The following KHDRBS1 variants were observed in gnomAD, a reference collection of about 807,000 sequenced individuals.
KHDRBS1 encodes KH RNA binding domain containing, signal transduction associated 1.
In KHDRBS1, 7 loss-of-function variants were observed where a neutral mutation model predicts 48.4. That is an observed-to-expected ratio of 0.14 (90% CI 0.08 to 0.27). KHDRBS1 has a LOEUF of 0.27. Ranked by LOEUF, KHDRBS1 falls within the 10% of genes least tolerant of loss-of-function variation. KHDRBS1 has a pLI of 1.00. For synonymous variants in KHDRBS1, 241 were observed against 235.8 expected, an observed-to-expected ratio of 1.02 and a Z score of -0.20; for missense variants, 458 against 601.2, an observed-to-expected ratio of 0.76 and a Z score of 2.49.
intron 3 of KHDRBS1, among the ~76,000 whole-genome samples, chr1:32,032,018 G>A (rs1639090162): frequency 6.6e-6 from 1 of 152,058 alleles, no homozygotes; most frequent in Non-Finnish European, 1.5e-5. Context: ...TTTGTAACCT[G>A]GAAAAGTGAG....
At chr1:32,051,961 C>T (rs1639427732) in intron 10 of KHDRBS1, among the ~76,000 whole-genome samples, 1 of 152,208 alleles carries the variant, frequency 6.6e-6, no homozygotes, top group South Asian at 2.1e-4. Context: ...GGCAGTACTA[C>T]TAGTAAGTAG....
chr1:32,036,104 CTG>C (rs1639172025), intron 4 of KHDRBS1, among the ~76,000 whole-genome samples: 1 of 146,774 alleles, frequency 6.8e-6, no homozygotes, highest in African/African-American at 2.5e-5. Context: ...CTCCTTGAGT[CTG>C]TTTTCTTAAC....
Position 32,039,504 on chromosome 1 carries a change from T to G in KHDRBS1, c.1176-11T>G. The G allele has an allele frequency of 7.5e-7, 1 of 1,342,268 alleles. No homozygotes were observed. The highest frequency in any genetic ancestry group is 1.1e-6 in the Non-Finnish European group (1 of 932,084). 83.1% of individuals were successfully genotyped at this position (1,342,268 alleles called of 1,614,324 possible). ...TCTGTAGCTTCCTAACACTCTGCCT[T>G]TGGCTTTCAGGGACTCAGAATATTA... On this transcript the variant is annotated splice_polypyrimidine_tract_variant and intron_variant, in intron 7 of 8. Coordinates refer to ENST00000327300, the MANE Select transcript of KHDRBS1 (RefSeq NM_006559.3).
Position 32,031,045 on chromosome 1 carries a change from T to TC in KHDRBS1, c.508-478dup, listed in dbSNP as rs535773766. ...AGGCAGATTGCTTGAGCCCAGGAGT[T>TC]CAAGACCAGCCTGAGCAACATAGCG... On this transcript the variant is annotated intron_variant, in intron 2 of 8. Coordinates refer to ENST00000327300, the MANE Select transcript of KHDRBS1 (RefSeq NM_006559.3). Among the ~76,000 whole-genome samples the TC allele has an allele frequency of 9.9e-5, 15 of 152,134 alleles. No individual in the cohort carries two copies. In the South Asian group the frequency reaches 3.1e-3, roughly 32 times the overall value.
chr1:32,028,016 C>T (rs1203433263), intron 1 of KHDRBS1, among the ~76,000 whole-genome samples: 1 of 152,190 alleles, frequency 6.6e-6, no homozygotes, highest in East Asian at 1.9e-4. Flanking sequence ...ACTCGGAAGG[C>T]TGAGGCAGGA....
chr1:32,029,887 T>A (rs996693933), intron 1 of KHDRBS1, among the ~76,000 whole-genome samples: 4 of 152,224 alleles, frequency 2.6e-5, no homozygotes, highest in African/African-American at 9.6e-5. Context: ...ACCGTGGAAC[T>A]TTAATGGAAC....
At chr1:32,038,216 T>C in intron 6 of KHDRBS1, 180 bp downstream of exon 6, 1 of 908,004 alleles carries the variant, frequency 1.1e-6, no homozygotes, top group South Asian at 1.8e-5. Flanking sequence ...TAGGCAGGGT[T>C]TTACTATACG....
chr1:32,021,361 A>G (rs564484008), intron 1 of KHDRBS1, among the ~76,000 whole-genome samples: 1 of 152,128 alleles, frequency 6.6e-6, no homozygotes, highest in South Asian at 2.1e-4. Context: ...CTGGGTTGCT[A>G]ATCAGTAGCT....
chr1:32,038,690 T>G, intron 7 of KHDRBS1, 71 bp downstream of exon 7: 1 of 1,433,284 alleles, frequency 7.0e-7, no homozygotes, highest in South Asian at 1.2e-5. Flanking sequence ...AACAGAGAGA[T>G]TTAGACAGTA....
At chr1:32,023,169 C>T (rs1008917133) in intron 1 of KHDRBS1, among the ~76,000 whole-genome samples, 7 of 151,748 alleles carry the variant, frequency 4.6e-5, no homozygotes, top group Non-Finnish European at 7.4e-5. Context: ...TATTAAGCAA[C>T]GTGGAAGCTT....
At chr1:32,051,594 C>T (rs1639422720) in intron 10 of KHDRBS1, among the ~76,000 whole-genome samples, 2 of 152,224 alleles carry the variant, frequency 1.3e-5, no homozygotes, top group South Asian at 4.1e-4. Flanking sequence ...GGCAGCGCTC[C>T]AGCATGCCCT....
intron 1 of KHDRBS1, among the ~76,000 whole-genome samples, chr1:32,022,784 G>T (rs1209537271): frequency 6.6e-6 from 1 of 152,038 alleles, no homozygotes; most frequent in East Asian, 1.9e-4. Context: ...CAGCTACTCG[G>T]GAGGCTGAGA....
rs1387138915 is a variant in KHDRBS1 at position 32,037,919 on chromosome 1, T to C, written c.990T>C (p.Thr330=). Residue 330 remains threonine, a synonymous_variant, in exon 6 of 9, where the codon ACT becomes ACC. Transcript: ENST00000327300. The stretch of plus-strand genomic sequence containing the variant: ...CCATCACCAGAGGTGCCACTGTGAC[T>C]CGAGGCGTGCCACCCCCACCTACTG... ...RGAITRGATV[T]RGVPPPPTVR... 1 of 1,614,104 alleles carries C rather than the reference T, an allele frequency of 6.2e-7. No individual in the cohort carries two copies. Among genetic ancestry groups the C allele is most frequent in the African/African-American group, 1.3e-5 (1 of 74,940 alleles).
At chr1:32,041,802 CT>C (rs1336436039) in intron 8 of KHDRBS1, among the ~76,000 whole-genome samples, 1 of 152,086 alleles carries the variant, frequency 6.6e-6, no homozygotes, top group African/African-American at 2.4e-5. Flanking sequence ...GTTGGTCAGG[CT>C]GGTCTCGAAC....
rs1470470084 is a variant in KHDRBS1, at chr1:32,028,421, A to T, written c.383-1877A>T. ...AATGTTATGTAATATTCTATTACAG[A>T]CTATTCTCTGATATTTAGAATGTTC... On this transcript the variant is annotated intron_variant, in intron 1 of 8. Transcript: ENST00000327300. 2.0e-5 allele frequency among the ~76,000 whole-genome samples: 3 copies of T among 151,308 alleles called. No homozygotes were observed. The East Asian group carries it at 5.8e-4, about 29-fold the overall frequency.
chr1:32,019,675 A>G (rs1638817832), intron 1 of KHDRBS1, among the ~76,000 whole-genome samples: 1 of 152,252 alleles, frequency 6.6e-6, no homozygotes, highest in Non-Finnish European at 1.5e-5. Context: ...AAGACTACAT[A>G]CAGTATAATA....
downstream of KHDRBS1, among the ~76,000 whole-genome samples, chr1:32,048,709 A>C (rs1260747467): frequency 1.3e-5 from 2 of 152,314 alleles, no homozygotes; most frequent in East Asian, 3.9e-4. Flanking sequence ...CTTTATTGAG[A>C]TATAATTCAC....
rs1639060042 is a variant in KHDRBS1 at position 32,030,437 on chromosome 1, G to A, written c.507+15G>A. 2 of 1,591,198 alleles carry A rather than the reference G, an allele frequency of 1.3e-6. No individual in the cohort carries two copies. The highest frequency in any genetic ancestry group is 4.5e-5 in the East Asian group (2 of 44,296). On this transcript the variant is annotated intron_variant, in intron 2 of 8. Transcript: ENST00000327300. ...AGTATCCCAAGGTAAGGCAAAAAGT[G>A]CTTTGGATCTTTGAGTTATCTTTAT...
chr1:32,014,056 A>T lies in KHDRBS1; in HGVS notation c.61A>T (p.Met21Leu). ...CCGGTCTTCGGGCCGTAGCGGCTCC[A>T]TGGACCCCTCCGGTGCCCACCCCTC... ...MSRSSGRSGS[M>L]DPSGAHPSVR... The change falls in exon 1 of 9, where the codon ATG (methionine) becomes TTG (leucine). Residue 21 changes from methionine to leucine, a missense_variant. By Grantham distance (15) the Met-to-Leu change is conservative. This residue lies in a region of KHDRBS1 where 213 missense variants were observed against 215.6 expected (regional missense o/e 0.99). Transcript: ENST00000327300. 1 of 1,511,876 alleles carries T rather than the reference A, an allele frequency of 6.6e-7. No individual in the cohort carries two copies. The highest frequency in any genetic ancestry group is 8.8e-7 in the Non-Finnish European group (1 of 1,140,594). 93.7% of individuals were successfully genotyped at this position (1,511,876 alleles called of 1,614,324 possible). A position where few individuals can be genotyped will look rare whatever the true frequency, so the allele number is the denominator to read the frequency against.
Sources: allele counts gnomAD v4.1 joint callset (sites outside exome capture counted in the v4.1 genomes callset), GRCh38; gene constraint gnomAD v4.1.1; regional missense constraint gnomAD v4.1.1; transcripts MANE v1.5; gene names NCBI Gene and HGNC (gene_info 2026-07-23, HGNC 2026-07-21).